DIP2C: variants seen among roughly 807,000 people sequenced by gnomAD.
DIP2C encodes the protein disco-interacting protein 2 homolog C.
In DIP2C, 33 loss-of-function variants were observed where a neutral mutation model predicts 192.4. That is an observed-to-expected ratio of 0.17 (90% confidence interval 0.13 to 0.23). The LOEUF (loss-of-function observed/expected upper bound fraction) is 0.23. Among genes scored for constraint, DIP2C ranks in the 10% least tolerant of loss-of-function variants. The probability of loss-of-function intolerance (pLI) is 1.00; values close to 1 mark genes in which losing one functional copy is unlikely to be tolerated. For missense variants in DIP2C, 1,537 were observed against 2,110.1 expected (o/e 0.73, Z 5.32); for synonymous variants, 979 against 864.1 (o/e 1.13, Z -2.33).
chr10:327,127 T>C lies in DIP2C; in HGVS notation c.3803A>G (p.Glu1268Gly), dbSNP rs755326991. The C allele has an allele frequency of 6.2e-7, 1 of 1,614,068 alleles. No individual in the cohort carries two copies. Among genetic ancestry groups the C allele is most frequent in the Non-Finnish European group, 8.5e-7 (1 of 1,180,018 alleles). ...SRVRTCVVVA[E>G]ERPRIALTQS... The stretch of plus-strand genomic sequence containing the variant: ...TGTGAGTGCGATCCGAGGCCTCTCT[T>C]CCGCCACAACCACGCAGGTCCTCAC... The change falls in exon 31 of 37, where the codon GAA becomes GGA. Residue 1268 changes from glutamate (E) to glycine (G), a missense_variant. Glu to Gly is a moderately conservative substitution (Grantham distance 98, BLOSUM62 -2). Coordinates refer to ENST00000280886, the MANE Select transcript of DIP2C (RefSeq NM_014974.3).
chr10:481,350 C>T (rs1843595094), intron 2 of DIP2C, among the ~76,000 whole-genome samples: 1 of 152,230 alleles, frequency 6.6e-6, no homozygotes, highest in Non-Finnish European at 1.5e-5. Flanking sequence ...TCCTCCCTCA[C>T]AACTGTCAAA....
chr10:407,889 CTT>C (rs1321299444), intron 9 of DIP2C, among the ~76,000 whole-genome samples: 2 of 152,162 alleles, frequency 1.3e-5, no homozygotes, highest in African/African-American at 4.8e-5. Flanking sequence ...TTTTCACTCT[CTT>C]GATAGTACTC....
At chr10:604,390 C>T (rs1358674072) in intron 1 of DIP2C, among the ~76,000 whole-genome samples, 1 of 152,144 alleles carries the variant, frequency 6.6e-6, no homozygotes. Context: ...CCCTGAAAGA[C>T]GAGTGGACCC....
At chr10:493,638 CGACA>C (rs1161712823) in intron 1 of DIP2C, among the ~76,000 whole-genome samples, 4 of 152,156 alleles carry the variant, frequency 2.6e-5, no homozygotes, top group African/African-American at 7.2e-5. Context: ...CTCCGCTTCC[CGACA>C]GACAGAGGGA....
intron 1 of DIP2C, among the ~76,000 whole-genome samples, chr10:504,015 T>C (rs540503552): frequency 7.0e-4 from 106 of 152,352 alleles, no homozygotes; most frequent in Non-Finnish European, 3.8e-4. Flanking sequence ...TTTCAACTTC[T>C]GGGTTATAGA....
At position 652,279 on chromosome 10, in the gene DIP2C, C is replaced by T. The variant is rs973580231; in HGVS notation, c.85+37215G>A. ...CTGACCAAACTCCACTGGCATCTTC[C>T]TCCATCCTGAGGGCATCTTCCTCGG... On this transcript the variant is annotated intron_variant, in intron 1 of 36. Coordinates refer to ENST00000280886, the MANE Select transcript of DIP2C (RefSeq NM_014974.3). This position sits in a 1 kb window ranked among gnomAD's most constrained non-coding sequence, Gnocchi z 4.5. 4.7e-6 allele frequency: 1 copy of T among 211,402 alleles called. No individual in the cohort carries two copies. Among genetic ancestry groups the T allele is most frequent in the Non-Finnish European group, 9.6e-6 (1 of 103,788 alleles). 13.1% of individuals were successfully genotyped at this position (211,402 alleles called of 1,614,324 possible).
chr10:367,256 A>C (rs1257393596), intron 18 of DIP2C, among the ~76,000 whole-genome samples: 3 of 152,156 alleles, frequency 2.0e-5, no homozygotes, highest in South Asian at 2.1e-4. Context: ...TCTCTACTAA[A>C]AATACAAAAA....
At chr10:604,691 TTCCCC>T (rs1164383180) in intron 1 of DIP2C, among the ~76,000 whole-genome samples, 2 of 152,236 alleles carry the variant, frequency 1.3e-5, no homozygotes, top group African/African-American at 4.8e-5. Flanking sequence ...TAAATTAATT[TTCCCC>T]TAAAAGACAT....
chr10:494,365 C>T (rs534304482), intron 1 of DIP2C, among the ~76,000 whole-genome samples: 3 of 151,872 alleles, frequency 2.0e-5, no homozygotes, highest in South Asian at 2.1e-4. Context: ...ACCTCAGCAC[C>T]GGGGCCAACA....
intron 34 of DIP2C, among the ~76,000 whole-genome samples, chr10:284,011 C>T (rs539325452): frequency 2.4e-4 from 37 of 152,264 alleles, no homozygotes; most frequent in Admixed American, 7.2e-4. Flanking sequence ...TGAGTCAAAG[C>T]GATAGCCACG....
chr10:343,002 C>T (rs183582597), intron 28 of DIP2C, among the ~76,000 whole-genome samples: 2 of 152,260 alleles, frequency 1.3e-5, no homozygotes, highest in South Asian at 2.1e-4. Context: ...TTTTAAAACA[C>T]GTCACGGCTG....
intron 32 of DIP2C, among the ~76,000 whole-genome samples, chr10:299,929 A>G (rs1423255459): frequency 6.6e-6 from 1 of 152,244 alleles, no homozygotes; most frequent in East Asian, 1.9e-4. Context: ...CAAGACCATC[A>G]CTAGGAAAAC....
intron 1 of DIP2C, among the ~76,000 whole-genome samples, chr10:565,479 T>C (rs1256115661): frequency 6.6e-6 from 1 of 152,092 alleles, no homozygotes; most frequent in Non-Finnish European, 1.5e-5. Context: ...AGAAGATCCC[T>C]TTTTCCATCT....
chr10:487,552 C>T (rs771712637), intron 1 of DIP2C, among the ~76,000 whole-genome samples: 3 of 148,530 alleles, frequency 2.0e-5, no homozygotes, highest in Non-Finnish European at 3.0e-5. Flanking sequence ...AACCCGCATC[C>T]GCCCATCAAT....
chr10:419,256 G>A, intron 5 of DIP2C, 57 bp from the exon 6 acceptor site: 5 of 1,610,488 alleles, frequency 3.1e-6, no homozygotes, highest in Non-Finnish European at 4.2e-6. Flanking sequence ...CTCTGAAGGT[G>A]GAACAAGCCA....
At chr10:470,306 G>T (rs1970527470) in intron 3 of DIP2C, among the ~76,000 whole-genome samples, 1 of 152,208 alleles carries the variant, frequency 6.6e-6, no homozygotes, top group African/African-American at 2.4e-5. Flanking sequence ...AAAAACAGGA[G>T]AAATGAACCG....
intron 1 of DIP2C, among the ~76,000 whole-genome samples, chr10:619,742 C>G (rs542358587): frequency 4.3e-4 from 66 of 152,312 alleles, no homozygotes; most frequent in South Asian, 1.2e-3. Context: ...CATGGCCCAG[C>G]AGAGCCCTCT....
chr10:497,622 C>T (rs1282366250), intron 1 of DIP2C, among the ~76,000 whole-genome samples: 1 of 152,224 alleles, frequency 6.6e-6, no homozygotes. Context: ...AGTCCTGCCA[C>T]ACACAGCAAT....
At chr10:357,432 G>A (rs896870491) in intron 23 of DIP2C, among the ~76,000 whole-genome samples, 1 of 152,238 alleles carries the variant, frequency 6.6e-6, no homozygotes, top group Non-Finnish European at 1.5e-5. Flanking sequence ...AGTAGTTCAG[G>A]GGACCGTGCG....
Sources: gnomAD v4.1 joint callset for allele counts (sites outside exome capture counted in the v4.1 genomes callset) on GRCh38, gnomAD v4.1.1 for gene constraint, Gnocchi (gnomAD v3.1) non-coding constraint, MANE v1.5 for transcripts, NCBI Gene and HGNC (gene_info 2026-07-23, HGNC 2026-07-21) for gene names.